ATPAF1: variants seen among roughly 807,000 people sequenced by gnomAD.
The protein encoded by ATPAF1 is ATP synthase mitochondrial F1 complex assembly factor 1.
A neutral mutation model predicts 43.9 loss-of-function variants in ATPAF1; 26 were observed. The observed-to-expected ratio is 0.59, with a 90% CI of 0.43 to 0.82. The LOEUF (loss-of-function observed/expected upper bound fraction) is 0.82, where lower values mean the gene tolerates loss of function less well. Among genes scored for constraint, ATPAF1 ranks in the 40% least tolerant of loss-of-function variants. The probability of loss-of-function intolerance (pLI) is 0.00; values close to 1 mark genes in which losing one functional copy is unlikely to be tolerated. For missense variants in ATPAF1, 366 were observed against 435.0 expected, an observed-to-expected ratio of 0.84 and a Z score of 1.41; for synonymous variants, 157 against 168.0, an observed-to-expected ratio of 0.93 and a Z score of 0.50.
intron 2 of ATPAF1, among the ~76,000 whole-genome samples, chr1:46,662,992 C>G (rs1676421031): frequency 6.6e-6 from 1 of 151,860 alleles, no homozygotes; most frequent in South Asian, 2.1e-4. Flanking sequence ...TCCATGTGTT[C>G]TCATTGTTCG....
chr1:46,665,844 G>T (rs778400955), intron 1 of ATPAF1: 17 of 1,426,048 alleles, frequency 1.2e-5, no homozygotes, highest in Non-Finnish European at 1.5e-5. Flanking sequence ...TTTTGCAGAA[G>T]ATTTAGCATC....
chr1:46,646,706 C>T (rs1676050921), intron 6 of ATPAF1, among the ~76,000 whole-genome samples: 1 of 152,188 alleles, frequency 6.6e-6, no homozygotes, highest in South Asian at 2.1e-4. Context: ...TTGAGGTATA[C>T]TTGAAATACA....
At chr1:46,642,531 C>T (rs745992693) in intron 8 of ATPAF1, among the ~76,000 whole-genome samples, 1 of 152,132 alleles carries the variant, frequency 6.6e-6, no homozygotes, top group Non-Finnish European at 1.5e-5. Flanking sequence ...ATGGTCAATG[C>T]TCTATCTCAG....
intron 6 of ATPAF1, among the ~76,000 whole-genome samples, chr1:46,646,911 C>A (rs1466466372): frequency 6.6e-6 from 1 of 152,124 alleles, no homozygotes; most frequent in East Asian, 1.9e-4. Flanking sequence ...GGTTAGTGTG[C>A]CTTTGTAGAA....
chr1:46,638,564 G>A (rs1447009225), intron 8 of ATPAF1, among the ~76,000 whole-genome samples: 1 of 151,236 alleles, frequency 6.6e-6, no homozygotes, highest in Non-Finnish European at 1.5e-5. Context: ...AGAGCTTGCA[G>A]TGAGCCGAGA....
chr1:46,638,403 G>A (rs985663622), intron 8 of ATPAF1, among the ~76,000 whole-genome samples: 9 of 152,144 alleles, frequency 5.9e-5, no homozygotes, highest in Non-Finnish European at 1.5e-5. Flanking sequence ...CGGATCATGA[G>A]GTCAGGAGAT....
intron 8 of ATPAF1, among the ~76,000 whole-genome samples, chr1:46,642,834 A>C (rs904045691): frequency 1.3e-5 from 2 of 152,226 alleles, no homozygotes. Flanking sequence ...ATATTTCCCT[A>C]GTAAAATGCA....
chr1:46,633,331 G>A (rs1431720830), downstream of ATPAF1: 2 of 176,488 alleles, frequency 1.1e-5, no homozygotes, highest in Non-Finnish European at 2.4e-5. Context: ...AGAAAAGGAT[G>A]GTAGTTGATA....
intron 2 of ATPAF1, among the ~76,000 whole-genome samples, chr1:46,662,328 T>C (rs973099921): frequency 2.0e-5 from 3 of 152,220 alleles, no homozygotes; most frequent in African/African-American, 4.8e-5. Context: ...GTGTTTATTA[T>C]AGGAAATGAC....
intron 3 of ATPAF1, 125 bp downstream of exon 3, chr1:46,658,562 C>T: frequency 1.5e-6 from 1 of 676,000 alleles, no homozygotes; most frequent in African/African-American, 1.9e-5. Flanking sequence ...CTCACTTCTA[C>T]AGCTGGAAAA....
chr1:46,635,188 C>T (rs1675813010), exon 9 of ATPAF1: 1 of 153,250 alleles, frequency 6.5e-6, no homozygotes, highest in Non-Finnish European at 1.5e-5. Flanking sequence ...TCTAACTATA[C>T]CTGAAATTTG....
intron 2 of ATPAF1, among the ~76,000 whole-genome samples, chr1:46,659,979 C>CTTT (rs202122351): frequency 1.4e-5 from 2 of 141,412 alleles, no homozygotes; most frequent in East Asian, 4.0e-4. Context: ...TTCTTTCTTT[C>CTTT]TTTTTTTTTT....
chr1:46,658,424 G>A (rs995060386), intron 3 of ATPAF1, among the ~76,000 whole-genome samples: 1 of 152,114 alleles, frequency 6.6e-6, no homozygotes, highest in African/African-American at 2.4e-5. Flanking sequence ...CTTCCCAAAG[G>A]CTTCACCCTT....
At position 46,652,636 on chromosome 1, in the gene ATPAF1, T is replaced by G. The variant is rs1321956389; in HGVS notation, c.541-8A>C. 6.2e-7 allele frequency: 1 copy of G among 1,611,682 alleles called. No individual in the cohort carries two copies. Among genetic ancestry groups the G allele is most frequent in the Non-Finnish European group, 8.5e-7 (1 of 1,178,586 alleles). ...CAAATCAAACTTTTCTGCCTGTAGG[T>G]TGGAAAAGAATAAAGTTAACCTACA... On this transcript the variant is annotated splice_region_variant and splice_polypyrimidine_tract_variant and intron_variant, in intron 5 of 8. Transcript: ENST00000574428.
upstream of ATPAF1, chr1:46,668,449 T>C: frequency 1.9e-6 from 2 of 1,036,422 alleles, no homozygotes; most frequent in Non-Finnish European, 2.3e-6. This position sits in a 1 kb window ranked among gnomAD's most constrained non-coding sequence, Gnocchi z 4.4. Flanking sequence ...CGCCCAAGGT[T>C]CCGGGCGCGG....
At chr1:46,651,297 A>G (rs997968729) in intron 6 of ATPAF1, among the ~76,000 whole-genome samples, 1 of 151,672 alleles carries the variant, frequency 6.6e-6, no homozygotes, top group South Asian at 2.1e-4. Flanking sequence ...ATGATTTCCA[A>G]TTTCATCCAT....
chr1:46,645,626 G>A (rs867056528), intron 6 of ATPAF1, among the ~76,000 whole-genome samples: 16 of 151,898 alleles, frequency 1.1e-4, no homozygotes, highest in Non-Finnish European at 1.0e-4. Flanking sequence ...GCCTCCCAAA[G>A]TGATGGGATT....
intron 7 of ATPAF1, 68 bp from the exon 8 acceptor site, chr1:46,643,369 T>G (rs758965360): frequency 1.6e-6 from 2 of 1,257,908 alleles, no homozygotes; most frequent in Non-Finnish European, 2.3e-6. Flanking sequence ...TTCAAAGCAA[T>G]AGACAGTCTA....
chr1:46,633,939 G>A (rs1675792814), downstream of ATPAF1: 2 of 430,158 alleles, frequency 4.6e-6, no homozygotes. Flanking sequence ...TAATGAAAAT[G>A]GCAGGGCAGA....
Sources: gnomAD v4.1 joint callset for allele counts (sites outside exome capture counted in the v4.1 genomes callset) on GRCh38, gnomAD v4.1.1 for gene constraint, Gnocchi (gnomAD v3.1) non-coding constraint, MANE v1.5 for transcripts, NCBI Gene and HGNC (gene_info 2026-07-23, HGNC 2026-07-21) for gene names.